Variants in MGAM2 observed in about 807,000 individuals in gnomAD.
MGAM2 encodes maltase-glucoamylase 2 (putative), also known as probable maltase-glucoamylase 2.
MGAM2 carries 98 observed loss-of-function variants against 96.1 expected under a neutral mutation model. The ratio of observed to expected loss-of-function variants is 1.02; its 90% CI spans 0.87 to 1.21. The LOEUF (loss-of-function observed/expected upper bound fraction) is 1.21. Ranked by LOEUF, MGAM2 falls within the 50% of genes most tolerant of loss-of-function variation. The probability of loss-of-function intolerance (pLI) is 0.00; values close to 1 mark genes in which losing one functional copy is unlikely to be tolerated. For synonymous variants in MGAM2, 749 were observed against 414.8 expected (o/e 1.81, Z -9.79); for missense variants, 2,055 against 1,182.4 (o/e 1.74, Z -10.82).
intron 34 of MGAM2, among the ~76,000 whole-genome samples, chr7:142,185,461 T>C (rs1796665437): frequency 6.6e-6 from 1 of 152,210 alleles, no homozygotes; most frequent in African/African-American, 2.4e-5. Context: ...GAATCCATTA[T>C]GAACAGACTG....
chr7:142,186,489 G>A (rs1796703393), intron 35 of MGAM2, among the ~76,000 whole-genome samples: 1 of 152,224 alleles, frequency 6.6e-6, no homozygotes, highest in Admixed American at 6.5e-5. Context: ...GGGAGTGGGT[G>A]AGGCATGGAG....
intron 46 of MGAM2, among the ~76,000 whole-genome samples, chr7:142,211,199 A>T (rs1383124306): frequency 6.6e-6 from 1 of 152,216 alleles, no homozygotes; most frequent in Non-Finnish European, 1.5e-5. Context: ...ACCAACAGCA[A>T]AGACCAAAGG....
At chr7:142,121,578 G>T (rs531973688) in intron 3 of MGAM2, among the ~76,000 whole-genome samples, 1 of 151,888 alleles carries the variant, frequency 6.6e-6, no homozygotes, top group South Asian at 2.1e-4. Flanking sequence ...CACATCCTTG[G>T]TTTCTACTGT....
chr7:142,166,098 G>A lies in MGAM2; in HGVS notation c.2653G>A (p.Val885Met), dbSNP rs1380641581. Residue 885 changes from valine to methionine, a missense_variant and splice_region_variant, in exon 25 of 48, where the codon GTG becomes ATG. Coordinates refer to ENST00000477922, the MANE Select transcript of MGAM2 (RefSeq NM_001293626.2). ...TCACTGTGACTGTCTCTTTCCCCAGGTGGTAACCATCACTGATCTCCAAGG... is the reference window on the plus strand; with the variant it reads ...TCACTGTGACTGTCTCTTTCCCCAGATGGTAACCATCACTGATCTCCAAGG... ...PSVVYNASTKVVTITDLQGLV... is the reference protein window; with the variant it reads ...PSVVYNASTKMVTITDLQGLV... 13 of 691,142 alleles carry A rather than the reference G, an allele frequency of 1.9e-5. No individual in the cohort carries two copies. Among genetic ancestry groups the A allele is most frequent in the Middle Eastern group, 2.3e-4 (1 of 4,342 alleles). 42.8% of individuals were successfully genotyped at this position (691,142 alleles called of 1,614,324 possible). A position where few individuals can be genotyped will look rare whatever the true frequency, so the allele number is the denominator to read the frequency against.
intron 26 of MGAM2, among the ~76,000 whole-genome samples, chr7:142,168,579 TGCATTTCTAACAAGCTC>T (rs1796098783): frequency 6.6e-6 from 1 of 152,170 alleles, no homozygotes; most frequent in South Asian, 2.1e-4. Flanking sequence ...CTCGAGAATC[TGCATTTCTAACAAGCTC>T]CCAGGTAAGG....
At chr7:142,131,153 A>G (rs1794874810) in intron 4 of MGAM2, 82 bp downstream of exon 4, 1 of 667,876 alleles carries the variant, frequency 1.5e-6, no homozygotes, top group Non-Finnish European at 2.7e-6. Context: ...TAAAAGCTAA[A>G]AGTCAGGCAG....
chr7:142,167,427 A>G lies in MGAM2; in HGVS notation c.2968A>G (p.Lys990Glu), dbSNP rs1177257630. ...TGCCGCCTCTGATTCTCTCTCTGCA[A>G]AGATCAGCTTCCTCCACCTGAAAGT... ...AAAASDSLSA[K>E]ISFLHLKVIY... Residue 990 changes from lysine to glutamate, a missense_variant, in exon 26 of 48, where the codon AAG becomes GAG. By Grantham distance (56) the Lys-to-Glu change is moderately conservative (BLOSUM62 1). Transcript: ENST00000477922. The G allele has an allele frequency of 1.4e-6, 1 of 702,968 alleles. No individual in the cohort carries two copies. The highest frequency in any genetic ancestry group is 1.5e-5 in the South Asian group (1 of 67,604). The allele number at this position is 702,968 out of a possible 1,614,324, so 43.5% of individuals were successfully genotyped here.
intron 7 of MGAM2, among the ~76,000 whole-genome samples, chr7:142,136,088 A>G (rs952374082): frequency 4.6e-5 from 7 of 152,168 alleles, no homozygotes; most frequent in Admixed American, 1.3e-4. Flanking sequence ...GTCATAATCC[A>G]GTTCTATAGC....
intron 46 of MGAM2, among the ~76,000 whole-genome samples, chr7:142,212,366 A>G (rs1013309943): frequency 2.6e-5 from 4 of 152,222 alleles, no homozygotes; most frequent in African/African-American, 4.8e-5. Flanking sequence ...TTAACCTTAA[A>G]TGTAAATGGG....
chr7:142,132,425 AC>A (rs1794917608), intron 6 of MGAM2, among the ~76,000 whole-genome samples: 1 of 141,114 alleles, frequency 7.1e-6, no homozygotes, highest in South Asian at 2.1e-4. Flanking sequence ...ATATATTATT[AC>A]TATTAATATA....
chr7:142,211,222 C>T (rs1797573424), intron 46 of MGAM2, among the ~76,000 whole-genome samples: 1 of 152,154 alleles, frequency 6.6e-6, no homozygotes, highest in Non-Finnish European at 1.5e-5. Flanking sequence ...GATAAATCCA[C>T]GAAGATGAGG....
At chr7:142,141,499 T>C (rs1019981967) in intron 12 of MGAM2, among the ~76,000 whole-genome samples, 3 of 152,100 alleles carry the variant, frequency 2.0e-5, no homozygotes, top group Non-Finnish European at 2.9e-5. Context: ...TTTTTTTAAG[T>C]TTTAATTTTT....
chr7:142,207,680 C>T (rs1176399296), intron 45 of MGAM2, among the ~76,000 whole-genome samples: 1 of 152,112 alleles, frequency 6.6e-6, no homozygotes, highest in Non-Finnish European at 1.5e-5. Context: ...GCGCCCGCCT[C>T]GGCCTCCCAA....
At chr7:142,172,604 A>G in intron 29 of MGAM2, 48 bp from the exon 30 acceptor site, 1 of 643,288 alleles carries the variant, frequency 1.6e-6, no homozygotes, top group Non-Finnish European at 2.8e-6. Context: ...CTATCTGGGC[A>G]ATTTACAACT....
chr7:142,215,392 G>A (rs1037001046), intron 46 of MGAM2, among the ~76,000 whole-genome samples: 1 of 151,804 alleles, frequency 6.6e-6, no homozygotes, highest in African/African-American at 2.4e-5. Flanking sequence ...AACCACCATG[G>A]CACATGTATA....
At chr7:142,157,871 A>C in intron 17 of MGAM2, 66 bp from the exon 18 acceptor site, 1 of 675,816 alleles carries the variant, frequency 1.5e-6, no homozygotes, top group Non-Finnish European at 2.7e-6. Context: ...TGGGAAACTT[A>C]TTGTAAGAGA....
chr7:142,198,195 G>A lies in MGAM2; in HGVS notation c.4923G>A (p.Thr1641=), dbSNP rs764964625. The stretch of plus-strand genomic sequence containing the variant: ...GAGCCCGTTGGTATGACTATAGCAC[G>A]GTAAGAACTAATATATTTGTGAAGA... ...FPRARWYDYS[T]GTSSTSTGQR... The change falls in exon 43 of 48, where the codon ACG becomes ACA. Residue 1641 remains threonine (T), a splice_region_variant and synonymous_variant. Coordinates refer to ENST00000477922, the MANE Select transcript of MGAM2 (RefSeq NM_001293626.2). 27 of 702,056 alleles carry A rather than the reference G, an allele frequency of 3.8e-5. No homozygotes were observed. Among genetic ancestry groups the A allele is most frequent in the South Asian group, 2.5e-4 (17 of 67,340 alleles). 43.5% of individuals were successfully genotyped at this position (702,056 alleles called of 1,614,324 possible). A position where few individuals can be genotyped will look rare whatever the true frequency, so the allele number is the denominator to read the frequency against.
intron 35 of MGAM2, among the ~76,000 whole-genome samples, chr7:142,186,918 C>T (rs1375537708): frequency 2.0e-5 from 3 of 151,674 alleles, no homozygotes; most frequent in South Asian, 2.1e-4. Flanking sequence ...GAGTTGTGGG[C>T]AGCTTTGAGA....
rs917718330 is a variant in MGAM2 at position 142,143,964 on chromosome 7, A to C, written c.1431+82A>C. ...AGATGAGTTTTGACCTTGATGTCAAATAAATGTCAATAAAAAATAGTTTGC... is the reference window on the plus strand; with the variant it reads ...AGATGAGTTTTGACCTTGATGTCAACTAAATGTCAATAAAAAATAGTTTGC... On this transcript the variant is annotated intron_variant, in intron 13 of 47. Coordinates refer to ENST00000477922, the MANE Select transcript of MGAM2 (RefSeq NM_001293626.2). The C allele has an allele frequency of 4.5e-6, 3 of 666,490 alleles. No homozygotes were observed. The African/African-American group carries it at 5.3e-5, about 12-fold the overall frequency. The allele number at this position is 666,490 out of a possible 1,614,324, so 41.3% of individuals were successfully genotyped here.
Sources: gnomAD v4.1 joint callset for allele counts (sites outside exome capture counted in the v4.1 genomes callset) on GRCh38, gnomAD v4.1.1 for gene constraint, MANE v1.5 for transcripts, NCBI Gene and HGNC (gene_info 2026-07-23, HGNC 2026-07-21) for gene names.